Variants in ALK observed in about 807,000 individuals in gnomAD.
The protein encoded by ALK is ALK receptor tyrosine kinase, also known as ALK tyrosine kinase receptor.
In ALK, 74 loss-of-function variants were observed where a neutral mutation model predicts 163.1. That is an observed-to-expected ratio of 0.45 (90% confidence interval 0.38 to 0.55). ALK has a LOEUF of 0.55. Among genes scored for constraint, ALK ranks in the 20% least tolerant of loss-of-function variants. The pLI is 0.00. For missense variants in ALK, 2,063 were observed against 2,105.3 expected (o/e 0.98, Z 0.39); for synonymous variants, 960 against 843.2 (o/e 1.14, Z -2.40).
At chr2:29,236,027 T>C (rs1664369959) in intron 13 of ALK, among the ~76,000 whole-genome samples, 1 of 151,486 alleles carries the variant, frequency 6.6e-6, no homozygotes, top group African/African-American at 2.4e-5. Flanking sequence ...ATTTTTTTTT[T>C]TTTTTAGATA....
At chr2:29,365,686 C>T (rs552824362) in intron 5 of ALK, among the ~76,000 whole-genome samples, 4 of 152,206 alleles carry the variant, frequency 2.6e-5, no homozygotes, top group South Asian at 2.1e-4. Flanking sequence ...GGACTACAAT[C>T]GATACCAAAA....
At chr2:29,427,515 A>G (rs995423999) in intron 4 of ALK, among the ~76,000 whole-genome samples, 1 of 152,086 alleles carries the variant, frequency 6.6e-6, no homozygotes, top group Non-Finnish European at 1.5e-5. Flanking sequence ...GTATATGGTA[A>G]GCCCTAGAGA....
Position 29,505,571 on chromosome 2 carries a change from C to T in ALK, c.1154+26344G>A, listed in dbSNP as rs532527704. On this transcript the variant is annotated intron_variant, in intron 4 of 28. Transcript: ENST00000389048. Reference sequence around the variant, plus strand: ...CAGGCACTCCTGAGATGACTGAAACCTTGTTGTGGGTGGAAGAGGTTGAAA... The same window carrying T: ...CAGGCACTCCTGAGATGACTGAAACTTTGTTGTGGGTGGAAGAGGTTGAAA... 8.4e-4 allele frequency among the ~76,000 whole-genome samples: 128 copies of T among 152,088 alleles called. 3 individuals carry two copies. In the South Asian group the frequency reaches 0.026, roughly 31 times the overall value.
rs1374366049 is a variant in ALK, at chr2:29,229,007, C to T, written c.2692G>A (p.Glu898Lys). ...SLLWAGKSLQEGATGGHSCPQ... is the reference protein window; with the variant it reads ...SLLWAGKSLQKGATGGHSCPQ... ...CAGGAATGTCCTCCGGTGGCACCCT[C>T]CTGCAAAGATTTTCCGGCCCAGAGC... The change falls in exon 16 of 29, where the codon GAG (glutamate) becomes AAG (lysine). Residue 898 changes from glutamate to lysine, a missense_variant. Coordinates refer to ENST00000389048, the MANE Select transcript of ALK (RefSeq NM_004304.5). 2.5e-6 allele frequency: 4 copies of T among 1,612,922 alleles called. No homozygotes were observed. Among genetic ancestry groups the T allele is most frequent in the South Asian group, 1.1e-5 (1 of 90,978 alleles).
chr2:29,630,587 TTTTAA>T (rs1676339226), intron 3 of ALK, among the ~76,000 whole-genome samples: 2 of 152,122 alleles, frequency 1.3e-5, no homozygotes, highest in Admixed American at 1.3e-4. Flanking sequence ...GTATTTATAA[TTTTAA>T]TATAATTTTT....
intron 6 of ALK, among the ~76,000 whole-genome samples, chr2:29,324,608 A>C (rs1365300239): frequency 1.3e-5 from 2 of 152,212 alleles, no homozygotes; most frequent in East Asian, 3.8e-4. Flanking sequence ...CATGGGGGAA[A>C]AGTGATCTGT....
intron 4 of ALK, among the ~76,000 whole-genome samples, chr2:29,435,017 C>A (rs1670364743): frequency 6.6e-6 from 1 of 152,198 alleles, no homozygotes; most frequent in African/African-American, 2.4e-5. Context: ...GCACTCAGAT[C>A]TCCTGGTTGT....
In ALK at chr2:29,517,749, A is replaced by C. The variant is rs139063169; in HGVS notation, c.1154+14166T>G. 8.8e-3 allele frequency among the ~76,000 whole-genome samples: 1,337 copies of C among 152,308 alleles called. 12 individuals are homozygous for C. The highest frequency in any genetic ancestry group is 0.011 in the Non-Finnish European group (761 of 68,032). ...TTTCACCAGTTCCAGAACATCACTT[A>C]ATTTTTAAACTACAGCGTTGGCTGG... is the stretch of plus-strand genomic sequence containing the variant. On this transcript the variant is annotated intron_variant, in intron 4 of 28. Coordinates refer to ENST00000389048, the MANE Select transcript of ALK (RefSeq NM_004304.5).
At chr2:29,393,701 T>G (rs150878205) in intron 4 of ALK, among the ~76,000 whole-genome samples, 2 of 152,364 alleles carry the variant, frequency 1.3e-5, no homozygotes, top group African/African-American at 2.4e-5. Context: ...TCCTGTCTTT[T>G]GTCCTAGGAG....
At chr2:29,886,652 T>C (rs1015125009) in intron 1 of ALK, among the ~76,000 whole-genome samples, 1 of 151,984 alleles carries the variant, frequency 6.6e-6, no homozygotes, top group African/African-American at 2.4e-5. Flanking sequence ...AAAACCCGGG[T>C]GAAAGAGACA....
intron 3 of ALK, among the ~76,000 whole-genome samples, chr2:29,554,490 C>T (rs1170914223): frequency 6.6e-6 from 1 of 152,200 alleles, no homozygotes; most frequent in Admixed American, 6.5e-5. Context: ...TTGGTCTGCA[C>T]TGACTTTTAG....
chr2:29,872,186 CT>C (rs1183124293), intron 1 of ALK, among the ~76,000 whole-genome samples: 1 of 152,178 alleles, frequency 6.6e-6, no homozygotes, highest in Non-Finnish European at 1.5e-5. Context: ...GAACTGGTAT[CT>C]GAAACATTCT....
At chr2:29,564,817 T>C (rs1034350431) in intron 3 of ALK, among the ~76,000 whole-genome samples, 4 of 152,156 alleles carry the variant, frequency 2.6e-5, no homozygotes, top group Admixed American at 2.0e-4. Flanking sequence ...TTAGTGTGTT[T>C]GTGTGGCCAC....
At chr2:29,744,955 C>G (rs1425093515) in intron 1 of ALK, among the ~76,000 whole-genome samples, 1 of 152,152 alleles carries the variant, frequency 6.6e-6, no homozygotes, top group East Asian at 1.9e-4. Flanking sequence ...GAATTCGACT[C>G]TATTTTTGAA....
intron 6 of ALK, among the ~76,000 whole-genome samples, chr2:29,324,181 A>G (rs528134525): frequency 6.6e-6 from 1 of 152,338 alleles, no homozygotes; most frequent in Admixed American, 6.5e-5. Flanking sequence ...AACATTTGGC[A>G]ATTATGACAC....
intron 5 of ALK, among the ~76,000 whole-genome samples, chr2:29,333,708 C>T (rs546916052): frequency 1.3e-3 from 198 of 152,280 alleles, no homozygotes; most frequent in African/African-American, 4.5e-3. Flanking sequence ...CTTGACCTTC[C>T]CGACCTCGGG....
chr2:29,902,086 A>T (rs577352549), intron 1 of ALK, among the ~76,000 whole-genome samples: 1 of 152,150 alleles, frequency 6.6e-6, no homozygotes, highest in African/African-American at 2.4e-5. Flanking sequence ...TGTGCTGATG[A>T]CTCCCAAATC....
intron 4 of ALK, among the ~76,000 whole-genome samples, chr2:29,512,300 T>C (rs1672544209): frequency 1.3e-5 from 2 of 151,036 alleles, no homozygotes; most frequent in South Asian, 4.2e-4. Context: ...TTATCCACCA[T>C]GATCAAGTGG....
At chr2:29,643,957 A>T (rs1676795911) in intron 3 of ALK, among the ~76,000 whole-genome samples, 1 of 152,088 alleles carries the variant, frequency 6.6e-6, no homozygotes, top group Admixed American at 6.5e-5. Context: ...ACGTATGTTT[A>T]TTGTGGCACT....
Sources: allele counts gnomAD v4.1 joint callset (sites outside exome capture counted in the v4.1 genomes callset), GRCh38; gene constraint gnomAD v4.1.1; transcripts MANE v1.5; gene names NCBI Gene and HGNC (gene_info 2026-07-23, HGNC 2026-07-21).